Variants in TSPAN11 observed in about 807,000 individuals in gnomAD.
TSPAN11 encodes the protein tetraspanin-11.
Under a neutral mutation model 32.9 loss-of-function variants are expected in TSPAN11, and 29 were observed. The ratio of observed to expected loss-of-function variants is 0.88; its 90% CI spans 0.66 to 1.20. TSPAN11 has a LOEUF of 1.20. TSPAN11 is among the 50% of genes most tolerant of loss of function. TSPAN11 has a pLI of 0.00. For synonymous variants in TSPAN11, 140 were observed against 141.3 expected (o/e 0.99, Z 0.07); for missense variants, 283 against 329.1 (o/e 0.86, Z 1.08).
downstream of TSPAN11, among the ~76,000 whole-genome samples, chr12:30,999,662 A>G (rs1939459392): frequency 6.6e-6 from 1 of 152,148 alleles, no homozygotes; most frequent in Non-Finnish European, 1.5e-5. Flanking sequence ...ATAAAGTTGA[A>G]AAATCATAAT....
chr12:30,957,878 T>TC (rs1303243916), intron 2 of TSPAN11, among the ~76,000 whole-genome samples: 1 of 96,976 alleles, frequency 1.0e-5, no homozygotes, highest in Non-Finnish European at 2.3e-5. Flanking sequence ...CCTCCCTCCC[T>TC]CCTTCCTTCC....
At chr12:30,950,710 T>G (rs1244162234) in intron 1 of TSPAN11, among the ~76,000 whole-genome samples, 1 of 152,196 alleles carries the variant, frequency 6.6e-6, no homozygotes, top group Non-Finnish European at 1.5e-5. Flanking sequence ...CCCAGACTCC[T>G]TGAACTTATT....
intron 3 of TSPAN11, among the ~76,000 whole-genome samples, chr12:30,971,906 A>G (rs747864020): frequency 4.6e-5 from 7 of 152,204 alleles, no homozygotes; most frequent in South Asian, 2.1e-4. Flanking sequence ...CTTTGGATCT[A>G]TAGTTTTAGA....
intron 1 of TSPAN11, among the ~76,000 whole-genome samples, chr12:30,952,922 G>T (rs1439461999): frequency 6.6e-6 from 1 of 152,228 alleles, no homozygotes; most frequent in Non-Finnish European, 1.5e-5. Flanking sequence ...GAGTGTGGGT[G>T]TGCAGGTGCC....
intron 2 of TSPAN11, among the ~76,000 whole-genome samples, chr12:30,957,234 C>G (rs890565469): frequency 6.9e-6 from 1 of 145,424 alleles, no homozygotes; most frequent in Admixed American, 6.8e-5. Flanking sequence ...TGGGACCCCC[C>G]CCCCCCCCAC....
At chr12:30,969,626 T>C (rs1043239655) in intron 3 of TSPAN11, among the ~76,000 whole-genome samples, 3 of 152,156 alleles carry the variant, frequency 2.0e-5, no homozygotes, top group Non-Finnish European at 4.4e-5. Context: ...ATCACCACAA[T>C]CCAGCAGCAT....
intron 7 of TSPAN11, among the ~76,000 whole-genome samples, chr12:30,990,169 C>T (rs1324292759): frequency 3.9e-5 from 6 of 152,136 alleles, no homozygotes; most frequent in Middle Eastern, 3.4e-3. Flanking sequence ...TGTGTGTGTG[C>T]ATGTGGACGC....
chr12:31,001,710 C>A, the TSPAN11 span, among the ~76,000 whole-genome samples: 1 of 152,300 alleles, frequency 6.6e-6, no homozygotes, highest in East Asian at 1.9e-4. Context: ...AGTTCCCCCA[C>A]CACATCACAC....
chr12:31,009,120 C>T, the TSPAN11 span, among the ~76,000 whole-genome samples: 2 of 151,382 alleles, frequency 1.3e-5, no homozygotes, highest in African/African-American at 4.9e-5. Context: ...TGGAGCCTCC[C>T]CGCTCTTCAG....
intron 7 of TSPAN11, among the ~76,000 whole-genome samples, chr12:30,989,611 G>A (rs958647776): frequency 1.3e-5 from 2 of 152,178 alleles, no homozygotes; most frequent in African/African-American, 4.8e-5. Context: ...CAGGCCACTG[G>A]TGCAGCCTCA....
At chr12:30,986,112 C>A (rs1284826096) in intron 7 of TSPAN11, among the ~76,000 whole-genome samples, 1 of 152,118 alleles carries the variant, frequency 6.6e-6, no homozygotes, top group Non-Finnish European at 1.5e-5. Flanking sequence ...CATAGTTTAC[C>A]TCCTAGAGAG....
At chr12:30,927,149 C>T (rs1204959559) in intron 1 of TSPAN11, 4 of 698,422 alleles carry the variant, frequency 5.7e-6, no homozygotes, top group South Asian at 1.7e-5. Flanking sequence ...GTCTGTTCCT[C>T]TTGAAAATGT....
In TSPAN11 at chr12:30,992,048, A is replaced by T; in HGVS notation, c.*133A>T. ...CCTCCTTTGTGCCTAGCTCCTGCGAATCCACCGAGTGCCTGAGACCATAGC... is the reference window on the plus strand; with the variant it reads ...CCTCCTTTGTGCCTAGCTCCTGCGATTCCACCGAGTGCCTGAGACCATAGC... On this transcript the variant is annotated 3_prime_UTR_variant, in exon 8 of 8. Coordinates refer to ENST00000546076, the MANE Select transcript of TSPAN11 (RefSeq NM_001370302.1). 1.0e-6 allele frequency: 1 copy of T among 989,168 alleles called. No individual in the cohort carries two copies. The highest frequency in any genetic ancestry group is 1.5e-6 in the Non-Finnish European group (1 of 647,490). The allele number at this position is 989,168 out of a possible 1,614,324, so 61.3% of individuals were successfully genotyped here. A position where few individuals can be genotyped will look rare whatever the true frequency, so the allele number is the denominator to read the frequency against.
intron 3 of TSPAN11, among the ~76,000 whole-genome samples, chr12:30,968,712 T>C (rs1234113576): frequency 6.6e-6 from 1 of 152,224 alleles, no homozygotes; most frequent in Non-Finnish European, 1.5e-5. Flanking sequence ...TGGGTCTTTA[T>C]TGGGAGTTCT....
intron 7 of TSPAN11, among the ~76,000 whole-genome samples, chr12:30,983,452 G>C (rs928122598): frequency 2.0e-5 from 3 of 152,188 alleles, no homozygotes; most frequent in African/African-American, 7.2e-5. Flanking sequence ...TGTGCACGTG[G>C]GGGTGAGCGT....
intron 2 of TSPAN11, chr12:30,954,384 C>G (rs1938441736): frequency 3.2e-6 from 1 of 314,516 alleles, no homozygotes; most frequent in African/African-American, 2.2e-5. Flanking sequence ...TCCCCACTAA[C>G]TTGTTGCACC....
chr12:30,958,362 G>A (rs1257385679), intron 2 of TSPAN11, among the ~76,000 whole-genome samples: 6 of 152,226 alleles, frequency 3.9e-5, no homozygotes, highest in Non-Finnish European at 8.8e-5. Flanking sequence ...GGCAGCAGGA[G>A]CATGGGCAGA....
intron 5 of TSPAN11, 57 bp downstream of exon 5, chr12:30,979,727 C>A (rs1939051308): frequency 6.4e-7 from 1 of 1,570,302 alleles, no homozygotes; most frequent in African/African-American, 1.4e-5. Context: ...CAAATCCCGA[C>A]TGTTCTTTCC....
At chr12:30,949,174 A>G (rs1458454946) in intron 1 of TSPAN11, among the ~76,000 whole-genome samples, 1 of 152,178 alleles carries the variant, frequency 6.6e-6, no homozygotes, top group Non-Finnish European at 1.5e-5. Flanking sequence ...AATCTCTAGG[A>G]AGTTCCAAAC....
Sources: allele counts gnomAD v4.1 joint callset (sites outside exome capture counted in the v4.1 genomes callset), GRCh38; gene constraint gnomAD v4.1.1; transcripts MANE v1.5; gene names NCBI Gene and HGNC (gene_info 2026-07-23, HGNC 2026-07-21).